The following RCSD1 variants were observed in gnomAD, a reference collection of about 807,000 sequenced individuals.
The protein encoded by RCSD1 is RCSD domain containing 1, also known as capZ-interacting protein.
Under a neutral mutation model 42.5 loss-of-function variants are expected in RCSD1, and 26 were observed. The ratio of observed to expected loss-of-function variants is 0.61; its 90% CI spans 0.45 to 0.85. The LOEUF (loss-of-function observed/expected upper bound fraction) is 0.85, where lower values mean the gene tolerates loss of function less well. Ranked by LOEUF, RCSD1 falls within the 40% of genes least tolerant of loss-of-function variation. RCSD1 has a pLI of 0.00. For missense variants in RCSD1, 571 were observed against 528.3 expected (o/e 1.08, Z -0.79); for synonymous variants, 220 against 212.2 (o/e 1.04, Z -0.32).
chr1:167,686,515 C>T (rs924756844), intron 3 of RCSD1, among the ~76,000 whole-genome samples: 28 of 152,316 alleles, frequency 1.8e-4, no homozygotes, highest in African/African-American at 4.6e-4. Flanking sequence ...AGAAACTCAT[C>T]GCTGCCCCAG....
At position 167,697,698 on chromosome 1, in the gene RCSD1, C is replaced by T. The variant is rs149306991; in HGVS notation, c.1074C>T (p.Gly358=). 227 of 1,600,800 alleles carry T rather than the reference C, an allele frequency of 1.4e-4. 1 individual carries two copies. The East Asian group carries it at 1.7e-3, about 12-fold the overall frequency. The change falls in exon 6 of 7, where the codon GGC becomes GGT. Residue 358 remains glycine, a synonymous_variant. Transcript: ENST00000367854. The stretch of plus-strand genomic sequence containing the variant: ...ACAGTCCCCCTGGAGGAGTGAAGGG[C>T]GGAGATGTCCCCAAGCAGGAAAAAG... ...TPHSPPGGVK[G]GDVPKQEKGK...
Position 167,705,253 on chromosome 1 carries a change from CT to C in RCSD1, c.*561del, listed in dbSNP as rs1033812820. 1 of 152,186 alleles carries C rather than the reference CT, an allele frequency of 6.6e-6. No individual in the cohort carries two copies. The highest frequency in any genetic ancestry group is 1.5e-5 in the Non-Finnish European group (1 of 68,104). 9.4% of individuals were successfully genotyped at this position (152,186 alleles called of 1,614,324 possible). On this transcript the variant is annotated 3_prime_UTR_variant, in exon 7 of 7. Transcript: ENST00000367854. ...AATTGTATCAAAACCCTAGAGACAA[CT>C]TTTCAATTTGATCCAAATTTGAACT...
At chr1:167,634,941 A>AGTGTGT (rs68149146) in intron 1 of RCSD1, among the ~76,000 whole-genome samples, 39 of 146,616 alleles carry the variant, frequency 2.7e-4, no homozygotes, top group African/African-American at 6.7e-4. Flanking sequence ...CTATGATGAG[A>AGTGTGT]GTGTGTGTGT....
chr1:167,692,491 C>T (rs931170560), intron 4 of RCSD1, among the ~76,000 whole-genome samples: 9 of 152,052 alleles, frequency 5.9e-5, no homozygotes, highest in African/African-American at 2.2e-4. Context: ...AAATCCTCCC[C>T]TGGGTACTCC....
chr1:167,704,461 AC>A (rs2101728141), intron 6 of RCSD1, among the ~76,000 whole-genome samples: 1 of 152,176 alleles, frequency 6.6e-6, no homozygotes, highest in African/African-American at 2.4e-5. Context: ...AAAAGTAACT[AC>A]CTCATATTGC....
intron 3 of RCSD1, among the ~76,000 whole-genome samples, chr1:167,689,084 G>C (rs887571279): frequency 2.6e-5 from 4 of 152,126 alleles, no homozygotes; most frequent in Non-Finnish European, 4.4e-5. Flanking sequence ...TGTAACACAT[G>C]CATCAGCCAC....
rs1933076 is a variant in RCSD1, at chr1:167,707,481, C to T, written c.*2785C>T. Among the ~76,000 whole-genome samples the T allele has an allele frequency of 0.31, 47,415 of 151,984 alleles. 7,680 individuals carry two copies. The highest frequency in any genetic ancestry group is 0.39 in the African/African-American group (16,276 of 41,416). On this transcript the variant is annotated 3_prime_UTR_variant, in exon 7 of 7. Coordinates refer to ENST00000367854, the MANE Select transcript of RCSD1 (RefSeq NM_052862.4). ...CAATGAATCTCTCCCCCTTTTTCAG[C>T]CTCATAGAACTGAAAAAAACAAACC...
At chr1:167,655,494 G>C (rs1571681459) in intron 1 of RCSD1, among the ~76,000 whole-genome samples, 1 of 152,084 alleles carries the variant, frequency 6.6e-6, no homozygotes, top group East Asian at 1.9e-4. Flanking sequence ...AATCAGCTTT[G>C]TTCCTGAGAT....
intron 1 of RCSD1, among the ~76,000 whole-genome samples, chr1:167,657,388 G>A (rs1018383404): frequency 6.6e-6 from 1 of 152,080 alleles, no homozygotes; most frequent in African/African-American, 2.4e-5. Context: ...GAGATGACAG[G>A]GCCCATTTTG....
intron 4 of RCSD1, among the ~76,000 whole-genome samples, chr1:167,691,641 C>A (rs1239716443): frequency 6.6e-6 from 1 of 152,246 alleles, no homozygotes; most frequent in African/African-American, 2.4e-5. Flanking sequence ...GACGAATAGC[C>A]ACAGCCTCTG....
intron 1 of RCSD1, among the ~76,000 whole-genome samples, chr1:167,649,938 T>G (rs1336308097): frequency 6.6e-6 from 1 of 152,208 alleles, no homozygotes; most frequent in African/African-American, 2.4e-5. Flanking sequence ...AAAGATGCAC[T>G]GTGTGTGTCC....
chr1:167,639,665 G>C (rs149943203), intron 1 of RCSD1, among the ~76,000 whole-genome samples: 1,593 of 152,214 alleles, frequency 0.01, 16 homozygotes, highest in Non-Finnish European at 0.015. Flanking sequence ...GCTAATTTTT[G>C]TATTTTTTAA....
chr1:167,675,628 G>A (rs1658933188), intron 1 of RCSD1, among the ~76,000 whole-genome samples: 1 of 152,136 alleles, frequency 6.6e-6, no homozygotes, highest in African/African-American at 2.4e-5. Flanking sequence ...CAGCTGGGAT[G>A]TGTGAGTATT....
chr1:167,662,810 G>T lies in RCSD1; in HGVS notation c.7-21090G>T, dbSNP rs970056897. Among the ~76,000 whole-genome samples, 5 of 152,332 alleles carry T rather than the reference G, an allele frequency of 3.3e-5. No individual in the cohort carries two copies. The East Asian group carries it at 7.7e-4, about 23-fold the overall frequency. ...TGGGGCTGTAGCAAGCGCTGGGTTT[G>T]CTTGGCATCCCTGAGTTCCCTGGCC... On this transcript the variant is annotated intron_variant, in intron 1 of 6. Transcript: ENST00000367854.
At chr1:167,673,790 T>C (rs138321447) in intron 1 of RCSD1, among the ~76,000 whole-genome samples, 1 of 152,326 alleles carries the variant, frequency 6.6e-6, no homozygotes. Context: ...ACTTTGCGTG[T>C]ACCAGCCAGC....
chr1:167,690,466 G>A (rs143739405), intron 4 of RCSD1, among the ~76,000 whole-genome samples: 1 of 152,104 alleles, frequency 6.6e-6, no homozygotes, highest in Non-Finnish European at 1.5e-5. Flanking sequence ...GTGAGCCCAG[G>A]AGTTCAAGAC....
rs59055287 is a variant in RCSD1 at position 167,655,114 on chromosome 1, G to T, written c.6+24685G>T. On this transcript the variant is annotated intron_variant, in intron 1 of 6. Transcript: ENST00000367854. ...GCTGGATGGAGGCTGCACCTCTCCC[G>T]AAGGAAATGAGCTCAGCTTCCCCAA... Among the ~76,000 whole-genome samples, 1,346 of 152,206 alleles carry T rather than the reference G, an allele frequency of 8.8e-3. 42 individuals carry two copies. Among genetic ancestry groups the T allele is most frequent in the Admixed American group, 0.054 (822 of 15,292 alleles).
At chr1:167,632,453 A>G (rs1657726942) in intron 1 of RCSD1, among the ~76,000 whole-genome samples, 1 of 152,160 alleles carries the variant, frequency 6.6e-6, no homozygotes, top group Non-Finnish European at 1.5e-5. Context: ...CCCTCAGATG[A>G]GGAAGGAATA....
chr1:167,694,021 C>T (rs1659437947), intron 4 of RCSD1, 78 bp from the exon 5 acceptor site: 2 of 1,434,804 alleles, frequency 1.4e-6, no homozygotes, highest in Non-Finnish European at 1.9e-6. Context: ...GGCCTGAGGC[C>T]AGATAACCAA....
Sources: allele counts gnomAD v4.1 joint callset (sites outside exome capture counted in the v4.1 genomes callset), GRCh38; gene constraint gnomAD v4.1.1; transcripts MANE v1.5; gene names NCBI Gene and HGNC (gene_info 2026-07-23, HGNC 2026-07-21).